The following RARB variants were observed in gnomAD, a reference collection of about 807,000 sequenced individuals.
The protein encoded by RARB is HBV-activated protein.
Under a neutral mutation model 51.9 loss-of-function variants are expected in RARB, and 17 were observed. The observed-to-expected ratio is 0.33, with a 90% CI of 0.22 to 0.49. The LOEUF (loss-of-function observed/expected upper bound fraction) is 0.49. Ranked by LOEUF, RARB falls within the 20% of genes least tolerant of loss-of-function variation. The pLI, the probability that RARB is intolerant of heterozygous loss-of-function variation, is 0.99. For missense variants in RARB, 369 were observed against 550.8 expected, an observed-to-expected ratio of 0.67 and a Z score of 3.30; for synonymous variants, 215 against 195.4, an observed-to-expected ratio of 1.10 and a Z score of -0.84.
intron 2 of RARB, among the ~76,000 whole-genome samples, chr3:24,925,169 T>C (rs1391467553): frequency 6.6e-6 from 1 of 152,148 alleles, no homozygotes; most frequent in Non-Finnish European, 1.5e-5. Context: ...CTACTTGGCA[T>C]TCTCAAGGTA....
At chr3:24,904,164 C>A (rs891855442) in intron 2 of RARB, among the ~76,000 whole-genome samples, 9 of 152,160 alleles carry the variant, frequency 5.9e-5, no homozygotes, top group African/African-American at 2.2e-4. Context: ...TGAGCGAGTT[C>A]TTTAACTTCC....
intron 3 of RARB, among the ~76,000 whole-genome samples, chr3:25,091,992 G>A (rs1465668492): frequency 6.6e-6 from 1 of 152,146 alleles, no homozygotes; most frequent in Non-Finnish European, 1.5e-5. Context: ...TAAGAAACCA[G>A]TTGCAGCACA....
At chr3:25,594,344 GT>G (rs1262947024) in intron 6 of RARB, among the ~76,000 whole-genome samples, 175 bp from the exon 7 acceptor site, 5 of 151,174 alleles carry the variant, frequency 3.3e-5, no homozygotes, top group Admixed American at 1.3e-4. Flanking sequence ...AGGGGGGGCA[GT>G]TTTTTTTTGT....
intron 2 of RARB, among the ~76,000 whole-genome samples, chr3:24,968,031 T>G (rs1170880769): frequency 6.6e-6 from 1 of 152,168 alleles, no homozygotes; most frequent in Non-Finnish European, 1.5e-5. Context: ...TCTTTGGAGC[T>G]TTGGTGTCTT....
chr3:24,999,856 T>C (rs998137506), intron 2 of RARB, among the ~76,000 whole-genome samples: 1 of 152,104 alleles, frequency 6.6e-6, no homozygotes, highest in African/African-American at 2.4e-5. Flanking sequence ...CTAGCAAAAA[T>C]GGCCCCAGAC....
chr3:25,524,407 G>C (rs1187640578), intron 3 of RARB, among the ~76,000 whole-genome samples: 7 of 152,288 alleles, frequency 4.6e-5, no homozygotes, highest in South Asian at 4.1e-4. Flanking sequence ...AATTTAATCA[G>C]AACCTTTCTC....
At chr3:24,863,515 G>A (rs1702794320) in intron 2 of RARB, among the ~76,000 whole-genome samples, 1 of 152,038 alleles carries the variant, frequency 6.6e-6, no homozygotes, top group South Asian at 2.1e-4. Flanking sequence ...CTTCTCTGTG[G>A]GAAGTCAAAG....
At chr3:25,021,053 G>A (rs551931190) in intron 2 of RARB, among the ~76,000 whole-genome samples, 1 of 152,296 alleles carries the variant, frequency 6.6e-6, no homozygotes, top group South Asian at 2.1e-4. Flanking sequence ...TCTAATGAAA[G>A]TAAAATGATG....
At chr3:25,176,354 C>CTTTCTTTCTTTCTTTCT (rs1700750131) in intron 5 of RARB, among the ~76,000 whole-genome samples, 2 of 55,658 alleles carry the variant, frequency 3.6e-5, no homozygotes, top group Non-Finnish European at 7.3e-5. Context: ...TCCTTCCTTC[C>CTTTCTTTCTTTCTTTCT]TTCCTTCCTT....
intron 3 of RARB, among the ~76,000 whole-genome samples, chr3:25,541,055 G>C (rs1370384850): frequency 6.6e-6 from 1 of 152,194 alleles, no homozygotes; most frequent in Non-Finnish European, 1.5e-5. Flanking sequence ...ACCTGCTTTT[G>C]TAAATAAAGT....
At chr3:25,284,494 A>G (rs970585396) in intron 5 of RARB, among the ~76,000 whole-genome samples, 3 of 152,122 alleles carry the variant, frequency 2.0e-5, no homozygotes, top group Admixed American at 6.5e-5. Flanking sequence ...CAAGGAAAAT[A>G]TTACTCAAAT....
chr3:24,924,533 ATTAAC>A (rs1349968319), intron 2 of RARB, among the ~76,000 whole-genome samples: 5 of 152,184 alleles, frequency 3.3e-5, no homozygotes, highest in African/African-American at 1.2e-4. Context: ...TTTTCTTTTA[ATTAAC>A]TTTAAAGAGA....
intron 1 of RARB, among the ~76,000 whole-genome samples, chr3:24,846,225 C>T (rs1431211903): frequency 6.6e-6 from 1 of 152,164 alleles, no homozygotes; most frequent in East Asian, 1.9e-4. Flanking sequence ...TACTCTGTGT[C>T]TCAAATTCCC....
intron 5 of RARB, among the ~76,000 whole-genome samples, chr3:25,412,762 G>A (rs1173070025): frequency 1.3e-5 from 2 of 152,200 alleles, no homozygotes; most frequent in South Asian, 2.1e-4. Context: ...GCTCATGCCT[G>A]TAATCCCAGC....
intron 4 of RARB, among the ~76,000 whole-genome samples, chr3:25,169,403 G>T (rs2125350584): frequency 6.6e-6 from 1 of 152,262 alleles, no homozygotes; most frequent in African/African-American, 2.4e-5. Flanking sequence ...AGACAAAATT[G>T]CTGGAGACTT....
intron 5 of RARB, among the ~76,000 whole-genome samples, chr3:25,372,729 G>T (rs558489995): frequency 6.6e-6 from 1 of 152,292 alleles, no homozygotes; most frequent in East Asian, 1.9e-4. Context: ...GGGAGGCCAA[G>T]GTGGGAGAAT....
chr3:24,868,522 C>CT (rs1432015173), intron 2 of RARB, among the ~76,000 whole-genome samples: 1 of 152,108 alleles, frequency 6.6e-6, no homozygotes, highest in East Asian at 1.9e-4. Context: ...ATGGACTCCT[C>CT]CTCTTGGCCA....
chr3:25,284,806 A>G (rs1703609910), intron 5 of RARB, among the ~76,000 whole-genome samples: 1 of 152,212 alleles, frequency 6.6e-6, no homozygotes, highest in African/African-American at 2.4e-5. Flanking sequence ...AAAACACAGT[A>G]TTCACGGGAT....
intron 5 of RARB, among the ~76,000 whole-genome samples, chr3:25,219,282 A>G (rs1478419507): frequency 6.6e-6 from 1 of 151,814 alleles, no homozygotes; most frequent in African/African-American, 2.4e-5. Flanking sequence ...AAAAATATGT[A>G]TCCATACACC....
Sources: gnomAD v4.1 joint callset for allele counts (sites outside exome capture counted in the v4.1 genomes callset) on GRCh38, gnomAD v4.1.1 for gene constraint, MANE v1.5 for transcripts, NCBI Gene and HGNC (gene_info 2026-07-23, HGNC 2026-07-21) for gene names.